The following FAF1 variants were observed in gnomAD, a reference collection of about 807,000 sequenced individuals.
FAF1 encodes FAS-associated factor 1.
FAF1 carries 25 observed loss-of-function variants against 92.5 expected under a neutral mutation model. The ratio of observed to expected loss-of-function variants is 0.27; its 90% CI spans 0.20 to 0.38. The LOEUF (loss-of-function observed/expected upper bound fraction) is 0.38, where lower values mean the gene tolerates loss of function less well. Ranked by LOEUF, FAF1 falls within the 10% of genes least tolerant of loss-of-function variation. The pLI, the probability that FAF1 is intolerant of heterozygous loss-of-function variation, is 1.00. For synonymous variants in FAF1, 234 were observed against 273.2 expected (o/e 0.86, Z 1.42); for missense variants, 636 against 793.3 (o/e 0.80, Z 2.38).
At chr1:50,628,815 A>C (rs1217122977) in intron 8 of FAF1, among the ~76,000 whole-genome samples, 1 of 152,164 alleles carries the variant, frequency 6.6e-6, no homozygotes, top group Non-Finnish European at 1.5e-5. Context: ...AACATTATTC[A>C]CCTAAAGAAC....
At chr1:50,446,213 G>A (rs1272123428) in intron 18 of FAF1, among the ~76,000 whole-genome samples, 2 of 152,182 alleles carry the variant, frequency 1.3e-5, no homozygotes, top group South Asian at 2.1e-4. Flanking sequence ...GGTTGAATAG[G>A]AGCAGACGCA....
chr1:50,693,554 ATAATT>A (rs931863158), intron 7 of FAF1, among the ~76,000 whole-genome samples: 1 of 152,190 alleles, frequency 6.6e-6, no homozygotes, highest in Non-Finnish European at 1.5e-5. Flanking sequence ...TTATGTATAT[ATAATT>A]TACTTTTACA....
chr1:50,443,441 G>T (rs149022319), intron 18 of FAF1, among the ~76,000 whole-genome samples: 168 of 152,276 alleles, frequency 1.1e-3, no homozygotes, highest in African/African-American at 3.6e-3. Context: ...CTATATGCCA[G>T]ACAACATATC....
chr1:50,746,292 A>ATTTTTTTT, intron 4 of FAF1, among the ~76,000 whole-genome samples: 1 of 22,680 alleles, frequency 4.4e-5, no homozygotes, highest in African/African-American at 2.3e-4. Context: ...ATATATATAT[A>ATTTTTTTT]TTTTTTTTTT....
chr1:50,911,087 T>G (rs1356591144), intron 1 of FAF1, among the ~76,000 whole-genome samples: 1 of 151,982 alleles, frequency 6.6e-6, no homozygotes, highest in African/African-American at 2.4e-5. Flanking sequence ...CTTATTTATT[T>G]TTGGAGACAG....
chr1:50,548,441 G>A (rs901546495), intron 13 of FAF1, among the ~76,000 whole-genome samples: 5 of 152,204 alleles, frequency 3.3e-5, no homozygotes, highest in Non-Finnish European at 7.3e-5. Flanking sequence ...TATATTTGTT[G>A]CATGAATGGG....
intron 7 of FAF1, among the ~76,000 whole-genome samples, chr1:50,676,730 G>C (rs1656137826): frequency 6.6e-6 from 1 of 152,100 alleles, no homozygotes; most frequent in Non-Finnish European, 1.5e-5. Context: ...GCTGAGGCAG[G>C]AGAATCGCTT....
chr1:50,615,007 T>C (rs906874505), intron 8 of FAF1, among the ~76,000 whole-genome samples: 1 of 152,208 alleles, frequency 6.6e-6, no homozygotes, highest in Non-Finnish European at 1.5e-5. Flanking sequence ...GTGAGCATAC[T>C]ACCCAATAGG....
chr1:50,933,669 G>A (rs1014373798), intron 1 of FAF1, among the ~76,000 whole-genome samples: 1 of 152,038 alleles, frequency 6.6e-6, no homozygotes, highest in Admixed American at 6.6e-5. Flanking sequence ...GTACCTTTTC[G>A]GCAACGCCCC....
intron 2 of FAF1, among the ~76,000 whole-genome samples, chr1:50,847,885 A>C (rs1483962501): frequency 6.6e-6 from 1 of 151,520 alleles, no homozygotes; most frequent in Non-Finnish European, 1.5e-5. Flanking sequence ...AAATGCACAC[A>C]TATACACACA....
chr1:50,494,066 G>A (rs956284347), intron 15 of FAF1, among the ~76,000 whole-genome samples: 1 of 152,194 alleles, frequency 6.6e-6, no homozygotes, highest in East Asian at 1.9e-4. Context: ...CTGACAGATG[G>A]GCTGGCTTGG....
Position 50,607,217 on chromosome 1 carries a change from G to A in FAF1, c.745-11001C>T, listed in dbSNP as rs574302771. On this transcript the variant is annotated intron_variant, in intron 8 of 18. Transcript: ENST00000396153. ...TGGTGCCCTTGTATGACTCCTTTCT[G>A]CCATAAGTCAGCCTGTGGTATGATT... Among the ~76,000 whole-genome samples the A allele has an allele frequency of 2.6e-5, 4 of 151,896 alleles. No homozygotes were observed. The South Asian group carries it at 8.3e-4, about 32-fold the overall frequency.
chr1:50,814,655 CA>C (rs1328622686), intron 2 of FAF1, among the ~76,000 whole-genome samples: 1 of 152,100 alleles, frequency 6.6e-6, no homozygotes, highest in Non-Finnish European at 1.5e-5. Context: ...CAAAAACCAA[CA>C]ACCTTATTTA....
chr1:50,834,241 G>A (rs1018802793), intron 2 of FAF1, among the ~76,000 whole-genome samples: 30 of 152,172 alleles, frequency 2.0e-4, no homozygotes, highest in African/African-American at 7.2e-4. Flanking sequence ...CCCCAGCCAT[G>A]TTTCCTGTAC....
intron 7 of FAF1, among the ~76,000 whole-genome samples, chr1:50,695,534 T>C (rs1020190461): frequency 6.6e-6 from 1 of 152,172 alleles, no homozygotes; most frequent in Non-Finnish European, 1.5e-5. Flanking sequence ...ATTTAAGAGG[T>C]CCCACAGGTA....
chr1:50,807,448 AG>A (rs1420858614), intron 2 of FAF1, among the ~76,000 whole-genome samples: 2 of 152,214 alleles, frequency 1.3e-5, no homozygotes, highest in Non-Finnish European at 2.9e-5. Context: ...GAGAGACTCA[AG>A]GGGGAAGTGC....
chr1:50,451,865 G>A, intron 18 of FAF1: 1 of 1,034,806 alleles, frequency 9.7e-7, no homozygotes, highest in Non-Finnish European at 1.2e-6. Context: ...GGACTGTTTA[G>A]TGAAGACACC....
intron 1 of FAF1, among the ~76,000 whole-genome samples, chr1:50,901,554 A>G (rs1443263955): frequency 6.6e-6 from 1 of 151,712 alleles, no homozygotes; most frequent in Non-Finnish European, 1.5e-5. Flanking sequence ...TAAAAATTTA[A>G]AAAGAAAAAA....
intron 9 of FAF1, among the ~76,000 whole-genome samples, chr1:50,595,434 T>C (rs1651751466): frequency 6.6e-6 from 1 of 152,194 alleles, no homozygotes; most frequent in African/African-American, 2.4e-5. Context: ...TCTAAAGATA[T>C]TAAGCACAGT....
Sources: gnomAD v4.1 joint callset for allele counts (sites outside exome capture counted in the v4.1 genomes callset) on GRCh38, gnomAD v4.1.1 for gene constraint, MANE v1.5 for transcripts, NCBI Gene and HGNC (gene_info 2026-07-23, HGNC 2026-07-21) for gene names.